Variants in CACNA1E observed in about 807,000 individuals in gnomAD.
CACNA1E encodes calcium voltage-gated channel subunit alpha1 E, also known as voltage-dependent R-type calcium channel subunit alpha-1E.
In CACNA1E, 40 loss-of-function variants were observed where a neutral mutation model predicts 259.2. That is an observed-to-expected ratio of 0.15 (90% CI 0.12 to 0.20). CACNA1E has a LOEUF of 0.20. Among genes scored for constraint, CACNA1E ranks in the 10% least tolerant of loss-of-function variants. The pLI is 1.00. For missense variants in CACNA1E, 1,874 were observed against 3,040.1 expected (o/e 0.62, Z 9.02); for synonymous variants, 1,104 against 1,138.5 (o/e 0.97, Z 0.61).
At chr1:181,532,085 T>C (rs1276475524) in intron 3 of CACNA1E, among the ~76,000 whole-genome samples, 1 of 151,948 alleles carries the variant, frequency 6.6e-6, no homozygotes, top group Non-Finnish European at 1.5e-5. Context: ...AAAAGAAAAC[T>C]GGGTGACATG....
At chr1:181,455,903 T>C (rs1003100775) in intron 2 of CACNA1E, among the ~76,000 whole-genome samples, 1 of 152,106 alleles carries the variant, frequency 6.6e-6, no homozygotes, top group Admixed American at 6.5e-5. Context: ...ACTTAGGGAA[T>C]GGAAGAAGGC....
intron 36 of CACNA1E, among the ~76,000 whole-genome samples, chr1:181,771,850 AG>A (rs1225512110): frequency 1.4e-4 from 21 of 152,306 alleles, no homozygotes; most frequent in Admixed American, 1.2e-3. Context: ...ACCCCATAAA[AG>A]ATGGAGACGC....
chr1:181,377,545 A>T (rs1655186996), intron 1 of CACNA1E, among the ~76,000 whole-genome samples: 1 of 152,186 alleles, frequency 6.6e-6, no homozygotes, highest in South Asian at 2.1e-4. Context: ...TAAAACTTAA[A>T]ATTCAGGAAG....
chr1:181,758,220 T>C lies in CACNA1E; in HGVS notation c.4494+109T>C. 1.0e-6 allele frequency: 1 copy of C among 982,552 alleles called. No individual in the cohort carries two copies. Among genetic ancestry groups the C allele is most frequent in the Non-Finnish European group, 1.5e-6 (1 of 655,762 alleles). The allele number at this position is 982,552 out of a possible 1,614,324, so 60.9% of individuals were successfully genotyped here. A position where few individuals can be genotyped will look rare whatever the true frequency, so the allele number is the denominator to read the frequency against. On this transcript the variant is annotated intron_variant, in intron 31 of 47. Transcript: ENST00000367573. This position sits in a 1 kb window ranked among gnomAD's most constrained non-coding sequence, Gnocchi z 4.2. The stretch of plus-strand genomic sequence containing the variant: ...AGCCCATCACTGCTTTACCTACTTT[T>C]CCATCATTGAATCCTTTTGTGATCT...
At chr1:181,629,605 C>T (rs988151278) in intron 6 of CACNA1E, among the ~76,000 whole-genome samples, 3 of 151,678 alleles carry the variant, frequency 2.0e-5, no homozygotes, top group South Asian at 2.1e-4. Flanking sequence ...GTAATGTCAA[C>T]AAATGATTAA....
intron 9 of CACNA1E, 75 bp from the exon 10 acceptor site, chr1:181,715,965 A>T: frequency 1.0e-6 from 1 of 956,092 alleles, no homozygotes; most frequent in South Asian, 1.4e-5. Context: ...TCTTGCCTGC[A>T]TTCCTCAAAA....
intron 18 of CACNA1E, among the ~76,000 whole-genome samples, chr1:181,730,777 C>T (rs1256129993): frequency 1.3e-5 from 2 of 152,290 alleles, no homozygotes; most frequent in East Asian, 3.9e-4. Context: ...GCTATGCTAG[C>T]CCTAGAAATG....
chr1:181,787,243 C>T (rs1385652155), intron 43 of CACNA1E, among the ~76,000 whole-genome samples: 2 of 152,052 alleles, frequency 1.3e-5, no homozygotes, highest in Non-Finnish European at 2.9e-5. Context: ...CCTCAGCCTC[C>T]CGAGTAGCTG....
intron 6 of CACNA1E, among the ~76,000 whole-genome samples, chr1:181,589,793 G>A (rs576105573): frequency 6.6e-6 from 1 of 152,294 alleles, no homozygotes; most frequent in East Asian, 1.9e-4. Context: ...TGAACTCAAG[G>A]GGAGCCCATG....
At chr1:181,692,056 C>T (rs1469175158) in intron 7 of CACNA1E, among the ~76,000 whole-genome samples, 1 of 151,992 alleles carries the variant, frequency 6.6e-6, no homozygotes, top group Non-Finnish European at 1.5e-5. Context: ...GAACACAATC[C>T]CCTTTACAAT....
intron 2 of CACNA1E, among the ~76,000 whole-genome samples, chr1:181,455,256 G>A (rs1661387133): frequency 6.6e-6 from 1 of 152,182 alleles, no homozygotes; most frequent in Non-Finnish European, 1.5e-5. Context: ...GACAACCACT[G>A]GTGGGCACAA....
chr1:181,505,902 C>T (rs528726424), intron 1 of CACNA1E, among the ~76,000 whole-genome samples: 1 of 152,210 alleles, frequency 6.6e-6, no homozygotes, highest in East Asian at 1.9e-4. Context: ...TTACCGGGGC[C>T]CCACTGTGTG....
intron 2 of CACNA1E, among the ~76,000 whole-genome samples, chr1:181,510,879 A>G (rs1049895196): frequency 6.6e-6 from 1 of 152,188 alleles, no homozygotes; most frequent in Non-Finnish European, 1.5e-5. Context: ...TGGGGAGTAG[A>G]GGGGAGAGGA....
intron 5 of CACNA1E, among the ~76,000 whole-genome samples, chr1:181,579,839 A>T (rs2102977369): frequency 6.6e-6 from 1 of 152,252 alleles, no homozygotes; most frequent in South Asian, 2.1e-4. Flanking sequence ...TCCCTTCATG[A>T]TCCTTCTCAC....
At chr1:181,323,031 G>A (rs917712774) in intron 1 of CACNA1E, among the ~76,000 whole-genome samples, 6 of 152,180 alleles carry the variant, frequency 3.9e-5, no homozygotes, top group Admixed American at 2.6e-4. Flanking sequence ...GGGCTGCACC[G>A]ATGGCCACAC....
At chr1:181,427,640 A>C (rs1571849043) in intron 2 of CACNA1E, among the ~76,000 whole-genome samples, 4 of 75,718 alleles carry the variant, frequency 5.3e-5, no homozygotes, top group African/African-American at 5.5e-5. Context: ...CCCCCATCTC[A>C]ACTCCTCCTC....
intron 1 of CACNA1E, among the ~76,000 whole-genome samples, chr1:181,393,851 A>C (rs1229331465): frequency 6.6e-6 from 1 of 152,192 alleles, no homozygotes; most frequent in Non-Finnish European, 1.5e-5. Flanking sequence ...CTTGGAAAAA[A>C]TGTTTGTAAC....
chr1:181,389,887 GAC>G (rs930387523), intron 1 of CACNA1E, among the ~76,000 whole-genome samples: 1 of 152,250 alleles, frequency 6.6e-6, no homozygotes, highest in African/African-American at 2.4e-5. Flanking sequence ...TTCAAGTGAA[GAC>G]ACAGAGATTT....
At chr1:181,591,291 G>A (rs965348454) in intron 6 of CACNA1E, among the ~76,000 whole-genome samples, 1 of 152,184 alleles carries the variant, frequency 6.6e-6, no homozygotes, top group Admixed American at 6.5e-5. Context: ...TGATTAGAAA[G>A]CTTCTAGTTC....
Sources: allele counts gnomAD v4.1 joint callset (sites outside exome capture counted in the v4.1 genomes callset), GRCh38; gene constraint gnomAD v4.1.1; non-coding constraint Gnocchi (gnomAD v3.1); transcripts MANE v1.5; gene names NCBI Gene and HGNC (gene_info 2026-07-23, HGNC 2026-07-21).